Variants in LAMA2 observed in about 807,000 individuals in gnomAD.
LAMA2 encodes the protein laminin subunit alpha-2.
LAMA2 carries 269 observed loss-of-function variants against 364.8 expected under a neutral mutation model. That is an observed-to-expected ratio of 0.74 (90% CI 0.67 to 0.82). The LOEUF (loss-of-function observed/expected upper bound fraction) is 0.82, where lower values mean the gene tolerates loss of function less well. Among genes scored for constraint, LAMA2 ranks in the 40% least tolerant of loss-of-function variants. The pLI, the probability that LAMA2 is intolerant of heterozygous loss-of-function variation, is 0.00. For synonymous variants in LAMA2, 1,379 were observed against 1,370.6 expected (o/e 1.01, Z -0.14); for missense variants, 3,807 against 3,873.2 (o/e 0.98, Z 0.45).
chr6:129,443,039 G>C (rs770018137), intron 43 of LAMA2, 24 bp from the exon 44 acceptor site: 2 of 1,555,388 alleles, frequency 1.3e-6, no homozygotes, highest in East Asian at 2.3e-5. Context: ...TTTTTGTTTT[G>C]CTTCCATGTG....
At chr6:129,134,366 T>G (rs182311776) in intron 4 of LAMA2, among the ~76,000 whole-genome samples, 75 of 152,338 alleles carry the variant, frequency 4.9e-4, no homozygotes, top group African/African-American at 1.7e-3. Flanking sequence ...AACTAGGGAA[T>G]AGCTTTTACT....
chr6:129,265,698 T>C (rs953043469), intron 15 of LAMA2, among the ~76,000 whole-genome samples: 3 of 147,690 alleles, frequency 2.0e-5, no homozygotes, highest in Non-Finnish European at 4.5e-5. Context: ...GGGAACATTA[T>C]ACACTGGGGC....
chr6:129,024,910 A>G lies in LAMA2; in HGVS notation c.113-25008A>G, dbSNP rs142411001. On this transcript the variant is annotated intron_variant, in intron 1 of 64. Transcript: ENST00000421865. The stretch of plus-strand genomic sequence containing the variant: ...GTTATAGCACACTATGATTATGCCT[A>G]TGAATAGCCACTGCACTCCAGCCTG... Among the ~76,000 whole-genome samples the G allele has an allele frequency of 1.8e-4, 27 of 152,208 alleles. 1 individual carries two copies. The East Asian group carries it at 4.7e-3, about 26-fold the overall frequency.
At chr6:129,318,852 C>T (rs1774777464) in intron 27 of LAMA2, among the ~76,000 whole-genome samples, 2 of 152,200 alleles carry the variant, frequency 1.3e-5, no homozygotes, top group Non-Finnish European at 2.9e-5. Context: ...CCTTAAACTC[C>T]TGGAGGTAAC....
At chr6:129,145,382 A>T (rs1006145550) in intron 5 of LAMA2, among the ~76,000 whole-genome samples, 2 of 152,004 alleles carry the variant, frequency 1.3e-5, no homozygotes, top group African/African-American at 2.4e-5. Context: ...TTCCCCTTGT[A>T]TTATACCTCA....
At chr6:129,453,856 C>T (rs1782813980) in intron 46 of LAMA2, among the ~76,000 whole-genome samples, 1 of 150,908 alleles carries the variant, frequency 6.6e-6, no homozygotes, top group Admixed American at 6.6e-5. Flanking sequence ...TTATCTTTAC[C>T]ACAAGTATCA....
chr6:128,940,035 A>G (rs1780060333), intron 1 of LAMA2, among the ~76,000 whole-genome samples: 1 of 152,114 alleles, frequency 6.6e-6, no homozygotes, highest in Non-Finnish European at 1.5e-5. Flanking sequence ...AAGACCAAAA[A>G]TGTTCTGCCA....
intron 1 of LAMA2, among the ~76,000 whole-genome samples, chr6:128,900,989 C>T (rs1037188064): frequency 6.6e-6 from 1 of 152,076 alleles, no homozygotes; most frequent in Non-Finnish European, 1.5e-5. Flanking sequence ...CCTGCCTCTA[C>T]AAAAATAAAA....
intron 40 of LAMA2, among the ~76,000 whole-genome samples, chr6:129,418,137 C>A (rs528635227): frequency 6.6e-6 from 1 of 152,234 alleles, no homozygotes; most frequent in East Asian, 1.9e-4. Context: ...GAGTTTTCAT[C>A]GCCTGCTCCC....
chr6:129,475,364 T>C (rs1162094727), intron 52 of LAMA2, 26 bp from the exon 53 acceptor site: 1 of 1,388,450 alleles, frequency 7.2e-7, no homozygotes, highest in South Asian at 1.3e-5. Flanking sequence ...ATTTTTGTTT[T>C]TTTTTTCCTC....
chr6:129,174,816 T>G (rs1255294711), intron 9 of LAMA2, among the ~76,000 whole-genome samples: 1 of 152,122 alleles, frequency 6.6e-6, no homozygotes, highest in Non-Finnish European at 1.5e-5. Flanking sequence ...GCCATCTGTC[T>G]TTCGATCTAT....
chr6:129,496,256 T>C (rs1785184565), intron 58 of LAMA2, among the ~76,000 whole-genome samples: 1 of 152,156 alleles, frequency 6.6e-6, no homozygotes, highest in African/African-American at 2.4e-5. Flanking sequence ...AACCTCCACC[T>C]CCTGGGTTCA....
intron 5 of LAMA2, 142 bp from the exon 6 acceptor site, chr6:129,146,817 T>C: frequency 1.4e-6 from 1 of 693,446 alleles, no homozygotes; most frequent in Non-Finnish European, 2.6e-6. Flanking sequence ...GTTTTGTGAG[T>C]CCTCACTTGT....
intron 4 of LAMA2, among the ~76,000 whole-genome samples, chr6:129,118,539 C>T (rs1381828516): frequency 6.6e-6 from 1 of 152,166 alleles, no homozygotes; most frequent in African/African-American, 2.4e-5. Context: ...AGTTAAAAGA[C>T]ATGCATCTGA....
intron 34 of LAMA2, among the ~76,000 whole-genome samples, chr6:129,378,022 T>A: frequency 6.6e-6 from 1 of 150,508 alleles, no homozygotes. Flanking sequence ...GAAAAGGTAA[T>A]CAAAGGCAAG....
At position 129,260,787 on chromosome 6, in the gene LAMA2, C is replaced by A; in HGVS notation, c.2173C>A (p.Gln725Lys). The A allele has an allele frequency of 6.2e-7, 1 of 1,610,844 alleles. No individual in the cohort carries two copies. The highest frequency in any genetic ancestry group is 1.1e-5 in the South Asian group (1 of 91,004). Residue 725 changes from glutamine to lysine, a missense_variant, in exon 15 of 65, where the codon CAG (glutamine) becomes AAG (lysine). Coordinates refer to ENST00000421865, the MANE Select transcript of LAMA2 (RefSeq NM_000426.4). ...CATTGCAGCAGCTGTAGAAGTGTGT[C>A]AGTGCCCACCAGGGTATACTGGCTC... The part of the protein sequence containing the change: ...GSIAAAVEVC[Q>K]CPPGYTGSSC...
chr6:129,184,246 A>T (rs1781101171), intron 10 of LAMA2, among the ~76,000 whole-genome samples: 2 of 151,840 alleles, frequency 1.3e-5, no homozygotes, highest in African/African-American at 4.8e-5. Flanking sequence ...TGTAGACTTG[A>T]TTCCTGGGCA....
chr6:129,095,806 C>G (rs1289487037), intron 3 of LAMA2, among the ~76,000 whole-genome samples: 1 of 151,318 alleles, frequency 6.6e-6, no homozygotes, highest in Non-Finnish European at 1.5e-5. Flanking sequence ...TGCCTGTAAT[C>G]CAGCTACTTG....
intron 8 of LAMA2, chr6:129,158,624 A>C: frequency 6.2e-7 from 1 of 1,614,196 alleles, no homozygotes; most frequent in Non-Finnish European, 8.5e-7. Flanking sequence ...AGATGATCAT[A>C]GCAATTATGC....
Sources: allele counts gnomAD v4.1 joint callset (sites outside exome capture counted in the v4.1 genomes callset), GRCh38; gene constraint gnomAD v4.1.1; transcripts MANE v1.5; gene names NCBI Gene and HGNC (gene_info 2026-07-23, HGNC 2026-07-21).